Variants in SLC25A48 observed in about 807,000 individuals in gnomAD.
SLC25A48 encodes CTC-321K16.1.
A neutral mutation model predicts 32.2 loss-of-function variants in SLC25A48; 29 were observed. The observed-to-expected ratio is 0.90, with a 90% CI of 0.67 to 1.23. The LOEUF is 1.23. Ranked by LOEUF, SLC25A48 falls within the 50% of genes most tolerant of loss-of-function variation. The pLI is 0.00. For missense variants in SLC25A48, 399 were observed against 422.7 expected, an observed-to-expected ratio of 0.94 and a Z score of 0.49; for synonymous variants, 164 against 172.3, an observed-to-expected ratio of 0.95 and a Z score of 0.38.
chr5:135,835,142 C>A (rs1176235714), intron 1 of SLC25A48: 1 of 690,598 alleles, frequency 1.4e-6, no homozygotes, highest in Non-Finnish European at 2.7e-6. Flanking sequence ...ATCCGTGGGA[C>A]TTGATGAGGT....
At chr5:135,816,215 A>G (rs1351530429) in intron 4 of SLC25A48, among the ~76,000 whole-genome samples, 3 of 152,290 alleles carry the variant, frequency 2.0e-5, no homozygotes, top group East Asian at 1.9e-4. Flanking sequence ...TCCTCCCTCA[A>G]CATGTGGGGA....
chr5:135,833,700 C>G (rs915711274), upstream of SLC25A48, among the ~76,000 whole-genome samples: 3 of 152,214 alleles, frequency 2.0e-5, no homozygotes, highest in African/African-American at 4.8e-5. Context: ...CAGGTCCACT[C>G]TCTGTGTGCC....
intron 7 of SLC25A48, chr5:135,883,198 AT>A: frequency 1.0e-6 from 1 of 985,452 alleles, no homozygotes; most frequent in Non-Finnish European, 1.2e-6. Flanking sequence ...TTCCTTCACA[AT>A]TACAAGCATT....
chr5:135,642,748 C>T (rs563873061), intron 3 of SLC25A48, among the ~76,000 whole-genome samples: 38 of 152,208 alleles, frequency 2.5e-4, no homozygotes, highest in Non-Finnish European at 2.1e-4. Context: ...AACCTGGCTA[C>T]GATCTCATAG....
At chr5:135,788,794 C>T (rs947456270) in intron 3 of SLC25A48, among the ~76,000 whole-genome samples, 1 of 148,620 alleles carries the variant, frequency 6.7e-6, no homozygotes, top group Admixed American at 6.7e-5. Flanking sequence ...AATATTACTC[C>T]CCGTGTGGTG....
intron 3 of SLC25A48, among the ~76,000 whole-genome samples, chr5:135,736,292 C>T (rs144208920): frequency 6.6e-6 from 1 of 152,150 alleles, no homozygotes; most frequent in East Asian, 1.9e-4. Context: ...TTATCTAGGT[C>T]TTGTAGGATG....
intron 3 of SLC25A48, among the ~76,000 whole-genome samples, chr5:135,770,796 A>G (rs1023902109): frequency 5.3e-5 from 8 of 150,044 alleles, no homozygotes; most frequent in African/African-American, 2.0e-4. Context: ...CAATATCGCA[A>G]AGGGTGTATA....
At chr5:135,846,258 G>A (rs921590838) in intron 2 of SLC25A48, among the ~76,000 whole-genome samples, 2 of 152,276 alleles carry the variant, frequency 1.3e-5, no homozygotes, top group East Asian at 3.9e-4. Flanking sequence ...CACAAAACTG[G>A]TTCCTGGCGC....
At chr5:135,857,868 T>A (rs1297332023) in intron 4 of SLC25A48, among the ~76,000 whole-genome samples, 2 of 152,006 alleles carry the variant, frequency 1.3e-5, no homozygotes, top group African/African-American at 4.8e-5. Context: ...GACCTTCAGA[T>A]CTCTCATCAG....
chr5:135,871,908 A>G, intron 5 of SLC25A48, 190 bp downstream of exon 5: 1 of 1,476,542 alleles, frequency 6.8e-7, no homozygotes, highest in Non-Finnish European at 9.0e-7. Context: ...TTCCCTATGC[A>G]GCTATGAGAA....
intron 3 of SLC25A48, among the ~76,000 whole-genome samples, chr5:135,771,833 C>T (rs533969686): frequency 6.6e-6 from 1 of 151,124 alleles, no homozygotes; most frequent in Admixed American, 6.6e-5. Flanking sequence ...CATAATATTA[C>T]TCTCAATATC....
intron 3 of SLC25A48, among the ~76,000 whole-genome samples, chr5:135,710,606 T>C (rs1331676905): frequency 1.3e-5 from 2 of 152,232 alleles, no homozygotes; most frequent in African/African-American, 2.4e-5. Context: ...TGCTCCTCTG[T>C]GCAAATGGGC....
chr5:135,871,196 C>A (rs77366629), intron 4 of SLC25A48, among the ~76,000 whole-genome samples: 1 of 151,912 alleles, frequency 6.6e-6, no homozygotes, highest in Non-Finnish European at 1.5e-5. Context: ...ACATTTGCTT[C>A]GAAAGAAGTA....
chr5:135,600,696 T>A (rs948483524), intron 1 of SLC25A48, among the ~76,000 whole-genome samples: 1 of 152,084 alleles, frequency 6.6e-6, no homozygotes. Context: ...TATTTATTTT[T>A]TTTTGAGATG....
chr5:135,601,523 G>A (rs959993689), intron 1 of SLC25A48, among the ~76,000 whole-genome samples: 2 of 152,156 alleles, frequency 1.3e-5, no homozygotes, highest in African/African-American at 4.8e-5. Flanking sequence ...CAACTCCTAG[G>A]AGAAAGTGTC....
At chr5:135,633,971 G>C (rs1368782734) in intron 2 of SLC25A48, among the ~76,000 whole-genome samples, 1 of 152,164 alleles carries the variant, frequency 6.6e-6, no homozygotes, top group African/African-American at 2.4e-5. Flanking sequence ...AGGGAGGGTA[G>C]ATGCATTTCT....
chr5:135,634,795 A>G (rs564997400), exon 3 of SLC25A48: 1 of 152,372 alleles, frequency 6.6e-6, no homozygotes, highest in Admixed American at 6.5e-5. Context: ...AATCTGCTGC[A>G]TGCCAGGCCT....
intron 3 of SLC25A48, among the ~76,000 whole-genome samples, chr5:135,691,258 A>T (rs540562414): frequency 6.6e-6 from 1 of 152,366 alleles, no homozygotes; most frequent in African/African-American, 2.4e-5. Context: ...TTTTACTCAC[A>T]GATAGACCTG....
intron 3 of SLC25A48, among the ~76,000 whole-genome samples, chr5:135,666,521 C>T (rs1232557378): frequency 6.6e-6 from 1 of 152,122 alleles, no homozygotes; most frequent in Non-Finnish European, 1.5e-5. Context: ...TACCTGTAGT[C>T]TTGGGGGGAA....
Sources: allele counts gnomAD v4.1 joint callset (sites outside exome capture counted in the v4.1 genomes callset), GRCh38; gene constraint gnomAD v4.1.1; transcripts MANE v1.5; gene names NCBI Gene and HGNC (gene_info 2026-07-23, HGNC 2026-07-21).